CTIF: variants seen among roughly 807,000 people sequenced by gnomAD.
CTIF encodes the protein cap binding complex dependent translation initiation factor.
In CTIF, 21 loss-of-function variants were observed where a neutral mutation model predicts 66.0. The observed-to-expected ratio is 0.32, with a 90% CI of 0.23 to 0.46. The LOEUF (loss-of-function observed/expected upper bound fraction) is 0.46. Among genes scored for constraint, CTIF ranks in the 20% least tolerant of loss-of-function variants. The pLI is 1.00. For missense variants in CTIF, 739 were observed against 812.7 expected, an observed-to-expected ratio of 0.91 and a Z score of 1.10; for synonymous variants, 345 against 326.4, an observed-to-expected ratio of 1.06 and a Z score of -0.62.
chr18:48,722,572 G>A (rs932062903), intron 7 of CTIF, among the ~76,000 whole-genome samples: 3 of 152,084 alleles, frequency 2.0e-5, no homozygotes, highest in South Asian at 2.1e-4. Context: ...ATTCACAGGT[G>A]TAAGTACCCA....
chr18:48,857,752 G>A (rs1451426603), intron 11 of CTIF, 111 bp downstream of exon 11: 5 of 968,894 alleles, frequency 5.2e-6, no homozygotes, highest in Non-Finnish European at 7.6e-6. Context: ...CCAGGGGAAG[G>A]TAGGTGGATG....
chr18:48,763,579 A>C (rs1485193760), intron 9 of CTIF, among the ~76,000 whole-genome samples: 1 of 152,256 alleles, frequency 6.6e-6, no homozygotes, highest in African/African-American at 2.4e-5. Context: ...TTGTGGGATT[A>C]GTGTGCTGAG....
chr18:48,671,713 A>G (rs2091537410), intron 6 of CTIF, among the ~76,000 whole-genome samples: 1 of 151,420 alleles, frequency 6.6e-6, no homozygotes, highest in African/African-American at 2.4e-5. Flanking sequence ...TTCAGCCACG[A>G]TTCCTCCTAC....
intron 1 of CTIF, among the ~76,000 whole-genome samples, chr18:48,591,030 C>T (rs1208219362): frequency 1.3e-5 from 2 of 152,190 alleles, no homozygotes; most frequent in Non-Finnish European, 2.9e-5. Context: ...CTGGGACCTG[C>T]TCTCTCAGGA....
chr18:48,553,816 C>T (rs377726961), intron 1 of CTIF, among the ~76,000 whole-genome samples: 63 of 132,242 alleles, frequency 4.8e-4, no homozygotes, highest in African/African-American at 1.2e-3. Flanking sequence ...CCACCATGCC[C>T]GGCTAATTTT....
chr18:48,670,216 G>A (rs2091506629), intron 5 of CTIF, among the ~76,000 whole-genome samples: 1 of 152,152 alleles, frequency 6.6e-6, no homozygotes, highest in South Asian at 2.1e-4. Flanking sequence ...GACTATCTGA[G>A]TGGGCTTGCT....
intron 10 of CTIF, among the ~76,000 whole-genome samples, chr18:48,854,185 C>T (rs1286616019): frequency 6.6e-6 from 1 of 152,022 alleles, no homozygotes; most frequent in African/African-American, 2.4e-5. Context: ...AATGTCTTAA[C>T]TTGTGTGGAA....
intron 9 of CTIF, among the ~76,000 whole-genome samples, chr18:48,812,375 T>TA (rs1487187193): frequency 6.6e-6 from 1 of 152,202 alleles, no homozygotes; most frequent in Non-Finnish European, 1.5e-5. Flanking sequence ...CTTTCACTCA[T>TA]AGGCAGGTTT....
At chr18:48,659,692 A>G (rs2144862582) in intron 3 of CTIF, among the ~76,000 whole-genome samples, 1 of 152,308 alleles carries the variant, frequency 6.6e-6, no homozygotes, top group Middle Eastern at 3.4e-3. Flanking sequence ...AGGAGAGGTG[A>G]GACCCGGCCC....
chr18:48,814,439 G>C (rs1389697719), intron 9 of CTIF, among the ~76,000 whole-genome samples: 1 of 152,200 alleles, frequency 6.6e-6, no homozygotes, highest in African/African-American at 2.4e-5. Context: ...ACCAGGGCAA[G>C]AGCGTTTAAC....
At position 48,649,480 on chromosome 18, in the gene CTIF, T is replaced by A. The variant is rs151267375; in HGVS notation, c.252+12795T>A. Among the ~76,000 whole-genome samples the A allele has an allele frequency of 4.8e-3, 730 of 152,300 alleles. 10 individuals carry two copies. The highest frequency in any genetic ancestry group is 0.017 in the African/African-American group (694 of 41,552). The stretch of plus-strand genomic sequence containing the variant: ...CGAACTGGGCAGAGCCAACCATAGC[T>A]CAGCAAGGCCTGTTGCCTCTGTAGA... On this transcript the variant is annotated intron_variant, in intron 3 of 11. Transcript: ENST00000256413.
chr18:48,669,793 T>TATATATA (rs1568120522), intron 5 of CTIF, among the ~76,000 whole-genome samples: 610 of 47,246 alleles, frequency 0.013, 188 homozygotes, highest in East Asian at 0.022. Context: ...AGCTAAACAT[T>TATATATA]TATATATATA....
intron 7 of CTIF, among the ~76,000 whole-genome samples, chr18:48,745,686 C>G (rs1279671539): frequency 6.6e-6 from 1 of 152,246 alleles, no homozygotes; most frequent in Non-Finnish European, 1.5e-5. Context: ...AATACACGGG[C>G]TGTCTCCTAG....
intron 10 of CTIF, among the ~76,000 whole-genome samples, chr18:48,830,603 G>C (rs1176047182): frequency 6.6e-6 from 1 of 152,218 alleles, no homozygotes; most frequent in African/African-American, 2.4e-5. Context: ...ATAAACTGAA[G>C]TGCTGCTTAC....
chr18:48,762,285 C>T (rs1360136014), intron 9 of CTIF, among the ~76,000 whole-genome samples: 1 of 152,252 alleles, frequency 6.6e-6, no homozygotes, highest in Admixed American at 6.5e-5. Context: ...TAACCCCACC[C>T]CTGATCATTG....
In CTIF at chr18:48,587,441, T is replaced by G. The variant is rs538134631; in HGVS notation, c.-28-32097T>G. Among the ~76,000 whole-genome samples the G allele has an allele frequency of 4.7e-4, 72 of 151,860 alleles. 1 individual carries two copies. The highest frequency in any genetic ancestry group is 1.6e-3 in the African/African-American group (67 of 41,380). On this transcript the variant is annotated intron_variant, in intron 1 of 11. Coordinates refer to ENST00000256413, the MANE Select transcript of CTIF (RefSeq NM_014772.3). ...TTGAGGGTACAATTTTTAATACAAT[T>G]AAACCTCCCAGCTACCACTGTGGGC...
chr18:48,718,486 T>C (rs1392709526), intron 7 of CTIF, among the ~76,000 whole-genome samples: 1 of 152,154 alleles, frequency 6.6e-6, no homozygotes, highest in Admixed American at 6.5e-5. Context: ...CAGGAGCATG[T>C]ATGAGGTTCC....
At chr18:48,570,611 G>GA (rs1266047083) in intron 1 of CTIF, among the ~76,000 whole-genome samples, 1 of 152,204 alleles carries the variant, frequency 6.6e-6, no homozygotes, top group Non-Finnish European at 1.5e-5. Flanking sequence ...GGTGCCTGGG[G>GA]AATCAGGAAA....
chr18:48,540,957 G>T (rs1334879556), intron 1 of CTIF, among the ~76,000 whole-genome samples: 2 of 152,134 alleles, frequency 1.3e-5, no homozygotes, highest in African/African-American at 2.4e-5. Context: ...TCCGCTGTGC[G>T]GCCGGAGTCA....
Sources: gnomAD v4.1 joint callset for allele counts (sites outside exome capture counted in the v4.1 genomes callset) on GRCh38, gnomAD v4.1.1 for gene constraint, MANE v1.5 for transcripts, NCBI Gene and HGNC (gene_info 2026-07-23, HGNC 2026-07-21) for gene names.